Variants in CPEB1 observed in about 807,000 individuals in gnomAD.
CPEB1 encodes the protein cytoplasmic polyadenylation element binding protein 1.
A neutral mutation model predicts 65.8 loss-of-function variants in CPEB1; 7 were observed. That is an observed-to-expected ratio of 0.11 (90% CI 0.06 to 0.20). CPEB1 has a LOEUF of 0.20. Among genes scored for constraint, CPEB1 ranks in the 10% least tolerant of loss-of-function variants. CPEB1 has a pLI of 1.00. For synonymous variants in CPEB1, 262 were observed against 260.0 expected (o/e 1.01, Z -0.08); for missense variants, 551 against 712.2 (o/e 0.77, Z 2.58).
At chr15:82,611,163 G>GA (rs2044120549) in intron 3 of CPEB1, among the ~76,000 whole-genome samples, 4 of 150,266 alleles carry the variant, frequency 2.7e-5, no homozygotes, top group Admixed American at 1.3e-4. Context: ...CATCTAGATG[G>GA]AAAAAAAAGT....
At chr15:82,630,032 C>G (rs1021433343) in intron 1 of CPEB1, 3 of 985,260 alleles carry the variant, frequency 3.0e-6, no homozygotes, top group Non-Finnish European at 3.6e-6. Context: ...ACACAAGGCC[C>G]TTTTCACAAC....
intron 3 of CPEB1, among the ~76,000 whole-genome samples, chr15:82,609,125 A>G (rs1332868545): frequency 6.6e-6 from 1 of 152,232 alleles, no homozygotes; most frequent in Non-Finnish European, 1.5e-5. Flanking sequence ...CAATGAGAAA[A>G]TACTTTGAGA....
chr15:82,573,932 G>A (rs535565745), intron 3 of CPEB1, among the ~76,000 whole-genome samples: 2 of 152,134 alleles, frequency 1.3e-5, no homozygotes, highest in Non-Finnish European at 2.9e-5. Context: ...CTGCACCACT[G>A]TACTCCAGCC....
chr15:82,614,871 GTGTGTGTGTA>G (rs199929333), intron 3 of CPEB1, among the ~76,000 whole-genome samples: 47 of 119,084 alleles, frequency 3.9e-4, no homozygotes, highest in African/African-American at 6.8e-4. Context: ...GTGTGTGTGT[GTGTGTGTGTA>G]TATATATATA....
At position 82,544,283 on chromosome 15, in the gene CPEB1, T is replaced by G. The variant is rs1005950815; in HGVS notation, c.*309A>C. Reference sequence around the variant, plus strand: ...CTTCTGGACACGTAGTTTTTTTTTTTTTTTTTTTTTTCCCCGCTTTTCATC... The same window carrying G: ...CTTCTGGACACGTAGTTTTTTTTTTGTTTTTTTTTTTCCCCGCTTTTCATC... On this transcript the variant is annotated 3_prime_UTR_variant, in exon 13 of 13. Coordinates refer to ENST00000684509, the MANE Select transcript of CPEB1 (RefSeq NM_001365242.1). 2.9e-3 allele frequency: 645 copies of G among 225,698 alleles called. 8 individuals carry two copies. Among genetic ancestry groups the G allele is most frequent in the Admixed American group, 4.4e-3 (82 of 18,820 alleles). The allele number at this position is 225,698 out of a possible 1,614,324, so 14.0% of individuals were successfully genotyped here.
intron 3 of CPEB1, chr15:82,573,021 C>A (rs1305358189): frequency 1.3e-6 from 2 of 1,532,498 alleles, no homozygotes; most frequent in African/African-American, 2.7e-5. Context: ...AACCTGGACT[C>A]AGCTGGTAGC....
At chr15:82,619,151 T>C (rs1388114283) in intron 3 of CPEB1, among the ~76,000 whole-genome samples, 3 of 152,210 alleles carry the variant, frequency 2.0e-5, no homozygotes, top group Non-Finnish European at 4.4e-5. Context: ...TCTGTACATA[T>C]ACTATGGATG....
At chr15:82,592,515 T>C (rs2042338563) in intron 3 of CPEB1, among the ~76,000 whole-genome samples, 1 of 150,970 alleles carries the variant, frequency 6.6e-6, no homozygotes, top group Admixed American at 6.6e-5. Context: ...GAGGCAGAGG[T>C]TGCAGTGAGC....
chr15:82,560,900 T>G (rs925344071), intron 4 of CPEB1, among the ~76,000 whole-genome samples: 2 of 152,230 alleles, frequency 1.3e-5, no homozygotes, highest in Non-Finnish European at 2.9e-5. Flanking sequence ...TACAGAGCTA[T>G]GATTTTGTTC....
At chr15:82,571,269 C>T in intron 4 of CPEB1, 75 bp downstream of exon 4, 2 of 1,530,222 alleles carry the variant, frequency 1.3e-6, no homozygotes, top group Non-Finnish European at 8.8e-7. Context: ...AACAGAACAA[C>T]TGTTGCTGTG....
At chr15:82,573,892 AG>A (rs1387388394) in intron 3 of CPEB1, among the ~76,000 whole-genome samples, 1 of 152,196 alleles carries the variant, frequency 6.6e-6, no homozygotes, top group Non-Finnish European at 1.5e-5. Flanking sequence ...GCTTGAGCCC[AG>A]GAGTTCAAGG....
chr15:82,555,145 G>GA (rs1339844426), intron 6 of CPEB1, among the ~76,000 whole-genome samples: 1 of 152,186 alleles, frequency 6.6e-6, no homozygotes. Flanking sequence ...AGACAAAGAT[G>GA]AAAAACACAT....
intron 4 of CPEB1, among the ~76,000 whole-genome samples, chr15:82,570,661 A>C (rs148332177): frequency 6.6e-6 from 1 of 152,152 alleles, no homozygotes; most frequent in African/African-American, 2.4e-5. Flanking sequence ...CCTACCAAGA[A>C]GACAAGGGAT....
chr15:82,647,989 C>T (rs1052345103), upstream of CPEB1: 17 of 778,356 alleles, frequency 2.2e-5, no homozygotes, highest in African/African-American at 9.1e-5. Context: ...ACCCCGGCAG[C>T]TTATGAAGCT....
intron 3 of CPEB1, among the ~76,000 whole-genome samples, chr15:82,573,904 C>A (rs1156352833): frequency 6.6e-6 from 1 of 152,134 alleles, no homozygotes; most frequent in Non-Finnish European, 1.5e-5. Flanking sequence ...GAGTTCAAGG[C>A]AGCAGTGAAA....
At chr15:82,638,549 G>A (rs528787706) in intron 1 of CPEB1, 1 of 152,168 alleles carries the variant, frequency 6.6e-6, no homozygotes, top group East Asian at 1.9e-4. Context: ...TATTTCTTAT[G>A]AAGTGACTGA....
At chr15:82,561,187 G>C (rs981203524) in intron 4 of CPEB1, among the ~76,000 whole-genome samples, 2 of 152,194 alleles carry the variant, frequency 1.3e-5, no homozygotes, top group Non-Finnish European at 2.9e-5. Flanking sequence ...CTTAGAATGT[G>C]AGAAGTCTGA....
chr15:82,614,848 A>AGTGT lies in CPEB1; in HGVS notation c.271+12341_271+12344dup, dbSNP rs752486940. Among the ~76,000 whole-genome samples, 1,124 of 143,978 alleles carry AGTGT rather than the reference A, an allele frequency of 7.8e-3. 8 individuals are homozygous for AGTGT. The highest frequency in any genetic ancestry group is 0.053 in the East Asian group (265 of 4,970). The allele number at this position is 143,978 out of a possible 152,430, so 94.5% of individuals were successfully genotyped here. On this transcript the variant is annotated intron_variant, in intron 3 of 12. Transcript: ENST00000684509. ...ACCTAGTTCAACTCTTTAAAATATA[A>AGTGT]GTGTGTGTGTGTGTGTGTGTGTGTG...
intron 3 of CPEB1, among the ~76,000 whole-genome samples, chr15:82,576,690 A>G (rs2040685952): frequency 6.6e-6 from 1 of 152,206 alleles, no homozygotes; most frequent in Admixed American, 6.5e-5. Flanking sequence ...TTTTTCTGAA[A>G]AAATGAAAGT....
Sources: allele counts gnomAD v4.1 joint callset (sites outside exome capture counted in the v4.1 genomes callset), GRCh38; gene constraint gnomAD v4.1.1; transcripts MANE v1.5; gene names NCBI Gene and HGNC (gene_info 2026-07-23, HGNC 2026-07-21).